TNKS2: variants seen among roughly 807,000 people sequenced by gnomAD.
TNKS2 encodes poly [ADP-ribose] polymerase tankyrase-2.
In TNKS2, 72 loss-of-function variants were observed where a neutral mutation model predicts 137.6. The ratio of observed to expected loss-of-function variants is 0.52; its 90% CI spans 0.43 to 0.64. The LOEUF is 0.64. Ranked by LOEUF, TNKS2 falls within the 30% of genes least tolerant of loss-of-function variation. The pLI is 0.00. For synonymous variants in TNKS2, 516 were observed against 512.1 expected (o/e 1.01, Z -0.10); for missense variants, 1,049 against 1,410.2 (o/e 0.74, Z 4.10).
intron 2 of TNKS2, among the ~76,000 whole-genome samples, chr10:91,815,039 A>G (rs1266272261): frequency 6.6e-6 from 1 of 152,136 alleles, no homozygotes; most frequent in Non-Finnish European, 1.5e-5. Context: ...AAAAATATAC[A>G]GTATGTGAGA....
chr10:91,834,348 A>G (rs1481810461), intron 12 of TNKS2, among the ~76,000 whole-genome samples: 3 of 152,216 alleles, frequency 2.0e-5, no homozygotes, highest in Non-Finnish European at 2.9e-5. Context: ...TAGATCCTAC[A>G]TATTCAAGGC....
intron 7 of TNKS2, 37 bp from the exon 8 acceptor site, chr10:91,826,980 A>C: frequency 1.4e-6 from 2 of 1,445,208 alleles, no homozygotes; most frequent in Non-Finnish European, 1.8e-6. Flanking sequence ...AATTCTTTTA[A>C]AAATTGAACA....
chr10:91,840,589 G>T lies in TNKS2; in HGVS notation c.1556G>T (p.Cys519Phe). ...CTGTGTACTGTTCAGAGTGTCAACT[G>T]CAGAGACATTGAAGGGCGTCAGTCT... is the stretch of plus-strand genomic sequence containing the variant. The part of the protein sequence containing the change: ...KKLCTVQSVN[C>F]RDIEGRQSTP... Residue 519 changes from cysteine to phenylalanine, a missense_variant, in exon 14 of 27, where the codon TGC (cysteine) becomes TTC (phenylalanine). By Grantham distance (205) the Cys-to-Phe change is radical (BLOSUM62 -2). This residue lies in a region of TNKS2 where 328 missense variants were observed against 436.0 expected (regional missense o/e 0.75). Transcript: ENST00000371627. 3 of 1,614,016 alleles carry T rather than the reference G, an allele frequency of 1.9e-6. No individual in the cohort carries two copies. Among genetic ancestry groups the T allele is most frequent in the Non-Finnish European group, 2.5e-6 (3 of 1,179,942 alleles).
chr10:91,851,282 G>T lies in TNKS2; in HGVS notation c.2761G>T (p.Gly921Ter). Residue 921 changes from glycine to a stop codon, truncating the protein, a stop_gained, in exon 21 of 27, where the codon GGA becomes TGA. Coordinates refer to ENST00000371627, the MANE Select transcript of TNKS2 (RefSeq NM_025235.4). LOFTEE classifies it high-confidence loss of function. ...GAAGGAGATTGGAATCAATGCTTAT[G>T]GACATAGGCACAAACTAATTAAAGG... ...ELKEIGINAY[G>*]HRHKLIKGVE... 6.2e-7 allele frequency: 1 copy of T among 1,611,940 alleles called. No individual in the cohort carries two copies. Among genetic ancestry groups the T allele is most frequent in the East Asian group, 2.2e-5 (1 of 44,838 alleles).
At chr10:91,855,513 A>G (rs1270579668) in intron 22 of TNKS2, 101 bp from the exon 23 acceptor site, 2 of 928,218 alleles carry the variant, frequency 2.2e-6, no homozygotes, top group African/African-American at 3.4e-5. Flanking sequence ...CCTGTTTTGT[A>G]TTCTCAAAAA....
chr10:91,810,069 A>G (rs1844448127), intron 1 of TNKS2, among the ~76,000 whole-genome samples: 1 of 152,138 alleles, frequency 6.6e-6, no homozygotes, highest in East Asian at 1.9e-4. Context: ...ACTTATTATA[A>G]TCTTAAATAA....
chr10:91,809,921 A>G (rs1236280488), intron 1 of TNKS2, among the ~76,000 whole-genome samples: 3 of 152,184 alleles, frequency 2.0e-5, no homozygotes, highest in Non-Finnish European at 4.4e-5. Context: ...GGATACAGGA[A>G]TATTTTCTTT....
intron 25 of TNKS2, among the ~76,000 whole-genome samples, chr10:91,860,876 G>A (rs1442857884): frequency 6.6e-6 from 1 of 152,120 alleles, no homozygotes. Context: ...GTAATTTCCT[G>A]TAAATTGAAC....
At chr10:91,811,241 A>T (rs1267702714) in intron 1 of TNKS2, among the ~76,000 whole-genome samples, 7 of 151,458 alleles carry the variant, frequency 4.6e-5, no homozygotes, top group Admixed American at 4.6e-4. Flanking sequence ...TTATTCTTTC[A>T]TACCTCCATG....
At chr10:91,801,501 T>C (rs1415144908) in intron 1 of TNKS2, among the ~76,000 whole-genome samples, 1 of 149,102 alleles carries the variant, frequency 6.7e-6, no homozygotes, top group Admixed American at 6.8e-5. Context: ...TGAGATGGAG[T>C]CTAGTTCTGT....
intron 7 of TNKS2, among the ~76,000 whole-genome samples, chr10:91,823,950 A>G (rs949794940): frequency 6.6e-6 from 1 of 152,212 alleles, no homozygotes; most frequent in African/African-American, 2.4e-5. Flanking sequence ...TGTAACAGTA[A>G]TGCTTTTGCT....
At chr10:91,838,468 C>G (rs994465293) in intron 13 of TNKS2, among the ~76,000 whole-genome samples, 1 of 152,208 alleles carries the variant, frequency 6.6e-6, no homozygotes, top group African/African-American at 2.4e-5. Flanking sequence ...TGTTTGTTCA[C>G]TGATAATCCA....
chr10:91,860,913 G>A (rs1240233034), intron 25 of TNKS2, among the ~76,000 whole-genome samples: 7 of 152,150 alleles, frequency 4.6e-5, no homozygotes, highest in African/African-American at 1.7e-4. Context: ...GTCATATATG[G>A]TCTGAAGGCT....
intron 1 of TNKS2, among the ~76,000 whole-genome samples, chr10:91,812,127 C>T (rs1358481641): frequency 6.6e-6 from 1 of 151,796 alleles, no homozygotes; most frequent in East Asian, 1.9e-4. Flanking sequence ...TCTCTCTACC[C>T]AAACACATTG....
At position 91,842,280 on chromosome 10, in the gene TNKS2, C is replaced by T. The variant is rs770542320; in HGVS notation, c.1948C>T (p.Leu650=). The change falls in exon 16 of 27, where the codon CTA becomes TTA. Residue 650 remains leucine, a synonymous_variant. Coordinates refer to ENST00000371627, the MANE Select transcript of TNKS2 (RefSeq NM_025235.4). ...QDLLRGDAAL[L]DAAKKGCLAR... is the part of the protein sequence containing the mutation. ...TCTGCTTAGGGGAGATGCAGCTTTG[C>T]TAGATGCTGCCAAGAAGGGTTGTTT... 1 of 1,613,804 alleles carries T rather than the reference C, an allele frequency of 6.2e-7. No homozygotes were observed. Among genetic ancestry groups the T allele is most frequent in the Non-Finnish European group, 8.5e-7 (1 of 1,179,812 alleles).
At chr10:91,806,768 T>A (rs965593618) in intron 1 of TNKS2, among the ~76,000 whole-genome samples, 5 of 152,238 alleles carry the variant, frequency 3.3e-5, no homozygotes, top group Non-Finnish European at 5.9e-5. Flanking sequence ...GCATACATTT[T>A]ATGCTCCAAA....
intron 20 of TNKS2, among the ~76,000 whole-genome samples, chr10:91,850,723 A>C (rs1479939671): frequency 6.6e-6 from 1 of 152,348 alleles, no homozygotes; most frequent in East Asian, 1.9e-4. Context: ...CCGTCTCAAA[A>C]ATAAAAAAAC....
chr10:91,847,652 C>T (rs1024355170), intron 18 of TNKS2, among the ~76,000 whole-genome samples: 3 of 152,186 alleles, frequency 2.0e-5, no homozygotes, highest in Admixed American at 6.5e-5. Context: ...CTGCACCTGG[C>T]CCCATTCTAG....
chr10:91,810,014 A>G (rs958816553), intron 1 of TNKS2, among the ~76,000 whole-genome samples: 3 of 152,212 alleles, frequency 2.0e-5, no homozygotes, highest in African/African-American at 4.8e-5. Context: ...TATGAATGCC[A>G]ACTATGTACT....
Sources: allele counts gnomAD v4.1 joint callset (sites outside exome capture counted in the v4.1 genomes callset), GRCh38; gene constraint gnomAD v4.1.1; regional missense constraint gnomAD v4.1.1; transcripts MANE v1.5; gene names NCBI Gene and HGNC (gene_info 2026-07-23, HGNC 2026-07-21).